The following SLC20A2 variants were observed in gnomAD, a reference collection of about 807,000 sequenced individuals.
The protein encoded by SLC20A2 is solute carrier family 20 member 2.
SLC20A2 carries 30 observed loss-of-function variants against 61.0 expected under a neutral mutation model. The ratio of observed to expected loss-of-function variants is 0.49; its 90% CI spans 0.37 to 0.67. The LOEUF (loss-of-function observed/expected upper bound fraction) is 0.67. Among genes scored for constraint, SLC20A2 ranks in the 30% least tolerant of loss-of-function variants. SLC20A2 has a pLI of 0.00. For synonymous variants in SLC20A2, 351 were observed against 353.3 expected, an observed-to-expected ratio of 0.99 and a Z score of 0.07; for missense variants, 626 against 866.4, an observed-to-expected ratio of 0.72 and a Z score of 3.48.
intron 1 of SLC20A2, among the ~76,000 whole-genome samples, chr8:42,511,660 A>G (rs116430625): frequency 0.011 from 1,652 of 151,984 alleles, 22 homozygotes; most frequent in African/African-American, 0.037. Context: ...TGTTAGGGTA[A>G]GCAGTTCAAA....
At chr8:42,508,181 A>G (rs1810825966) in intron 1 of SLC20A2, among the ~76,000 whole-genome samples, 1 of 150,694 alleles carries the variant, frequency 6.6e-6, no homozygotes, top group East Asian at 2.0e-4. Context: ...GAAAGAAAGA[A>G]AGGCATCTTC....
chr8:42,513,949 T>A (rs769011271), intron 1 of SLC20A2, among the ~76,000 whole-genome samples: 1 of 152,122 alleles, frequency 6.6e-6, no homozygotes, highest in Non-Finnish European at 1.5e-5. Flanking sequence ...AGCAGAAGTA[T>A]GTGTTCTGAA....
chr8:42,435,642 G>A (rs1804192560), intron 8 of SLC20A2, among the ~76,000 whole-genome samples: 2 of 151,888 alleles, frequency 1.3e-5, no homozygotes, highest in South Asian at 4.2e-4. Context: ...GGTGGGGTGG[G>A]TGGGGTCAAG....
At chr8:42,428,035 G>A (rs934712478) in intron 10 of SLC20A2, among the ~76,000 whole-genome samples, 1 of 152,170 alleles carries the variant, frequency 6.6e-6, no homozygotes, top group Non-Finnish European at 1.5e-5. Flanking sequence ...TGCAGATACT[G>A]GGCAGAGTTG....
At chr8:42,526,599 G>C (rs958899696) in intron 1 of SLC20A2, among the ~76,000 whole-genome samples, 1 of 151,754 alleles carries the variant, frequency 6.6e-6, no homozygotes, top group African/African-American at 2.4e-5. Context: ...CGTGAACCCA[G>C]GAGGCAGAGG....
chr8:42,439,979 G>A (rs981420818), intron 6 of SLC20A2, among the ~76,000 whole-genome samples: 1 of 150,920 alleles, frequency 6.6e-6, no homozygotes, highest in African/African-American at 2.5e-5. Context: ...CAACTACTTG[G>A]GAGGCTGAGG....
chr8:42,518,488 T>C (rs1440314088), intron 1 of SLC20A2, among the ~76,000 whole-genome samples: 2 of 152,172 alleles, frequency 1.3e-5, no homozygotes, highest in Non-Finnish European at 2.9e-5. Flanking sequence ...TTTGAGCCTA[T>C]TTAAAAAACA....
chr8:42,458,946 C>T (rs191673780), intron 5 of SLC20A2, among the ~76,000 whole-genome samples: 1 of 139,666 alleles, frequency 7.2e-6, no homozygotes, highest in Non-Finnish European at 1.5e-5. Flanking sequence ...TTTAACCCCC[C>T]CCCCCACAAA....
At chr8:42,477,967 C>A (rs373284336) in intron 1 of SLC20A2, among the ~76,000 whole-genome samples, 3 of 151,718 alleles carry the variant, frequency 2.0e-5, no homozygotes, top group African/African-American at 7.3e-5. Flanking sequence ...CTCACTGCAA[C>A]CTCCGCCTCC....
At position 42,472,309 on chromosome 8, in the gene SLC20A2, C is replaced by T. The variant is rs1554561099; in HGVS notation, c.82G>A (p.Asp28Asn). Reference sequence around the variant, plus strand: ...GCTGTACCAAAGGAGTTGGCAACATCGTTTGCACCAACAGAAAAGGCCAAG... The same window carrying T: ...GCTGTACCAAAGGAGTTGGCAACATTGTTTGCACCAACAGAAAAGGCCAAG... ...FILAFSVGAN[D>N]VANSFGTAVG... Residue 28 changes from aspartate to asparagine, a missense_variant, in exon 2 of 11, where the codon GAT (aspartate) becomes AAT (asparagine). Asp to Asn is a conservative substitution (Grantham distance 23). This residue lies in a region of SLC20A2 where 127 missense variants were observed against 215.4 expected (regional missense o/e 0.59). Coordinates refer to ENST00000520262, the MANE Select transcript of SLC20A2 (RefSeq NM_001257180.2). This position sits in a 1 kb window ranked among gnomAD's most constrained non-coding sequence, Gnocchi z 4.1. 1 of 1,614,144 alleles carries T rather than the reference C, an allele frequency of 6.2e-7. No homozygotes were observed. The highest frequency in any genetic ancestry group is 2.2e-5 in the East Asian group (1 of 44,886).
intron 5 of SLC20A2, among the ~76,000 whole-genome samples, chr8:42,454,167 C>G (rs1274171416): frequency 6.6e-6 from 1 of 152,132 alleles, no homozygotes; most frequent in Non-Finnish European, 1.5e-5. Context: ...CCACGCTGGG[C>G]AAATTTTTTT....
intron 1 of SLC20A2, among the ~76,000 whole-genome samples, chr8:42,512,520 T>G (rs1811090166): frequency 6.6e-6 from 1 of 152,016 alleles, no homozygotes. Context: ...CCAGCTAATA[T>G]TTGTATTTTT....
chr8:42,445,144 T>G (rs1489657078), intron 5 of SLC20A2, among the ~76,000 whole-genome samples: 2 of 151,426 alleles, frequency 1.3e-5, no homozygotes, highest in Non-Finnish European at 2.9e-5. Flanking sequence ...ATTCAAAAAT[T>G]AGCTGGGCGT....
chr8:42,523,065 G>A (rs909819341), intron 1 of SLC20A2, among the ~76,000 whole-genome samples: 2 of 152,116 alleles, frequency 1.3e-5, no homozygotes, highest in African/African-American at 4.8e-5. Context: ...AGGTGTGGTG[G>A]CTCATGCCTG....
chr8:42,523,769 C>T (rs1000084926), intron 1 of SLC20A2, among the ~76,000 whole-genome samples: 40 of 152,244 alleles, frequency 2.6e-4, no homozygotes, highest in Admixed American at 2.0e-3. Flanking sequence ...GGAAATTACA[C>T]GTAAGAATGT....
At chr8:42,440,081 T>A (rs1422000028) in intron 6 of SLC20A2, among the ~76,000 whole-genome samples, 4 of 148,104 alleles carry the variant, frequency 2.7e-5, no homozygotes, top group African/African-American at 1.0e-4. Context: ...TGAGACTCTG[T>A]CTCAAAAAAA....
chr8:42,436,331 C>T (rs148086472), intron 8 of SLC20A2, among the ~76,000 whole-genome samples: 64 of 152,262 alleles, frequency 4.2e-4, no homozygotes, highest in Non-Finnish European at 8.1e-4. Flanking sequence ...ATAGCAGCAT[C>T]GCGCCCTGGC....
At chr8:42,507,013 C>CCA (rs1012010836) in intron 1 of SLC20A2, among the ~76,000 whole-genome samples, 1 of 152,200 alleles carries the variant, frequency 6.6e-6, no homozygotes, top group Non-Finnish European at 1.5e-5. Flanking sequence ...TGAGTCCCTG[C>CCA]CACTGGTCAG....
chr8:42,437,653 T>C lies in SLC20A2; in HGVS notation c.935-76A>G. 7.8e-7 allele frequency: 1 copy of C among 1,276,488 alleles called. No individual in the cohort carries two copies. Among genetic ancestry groups the C allele is most frequent in the African/African-American group, 1.5e-5 (1 of 66,500 alleles). 79.1% of individuals were successfully genotyped at this position (1,276,488 alleles called of 1,614,324 possible). On this transcript the variant is annotated intron_variant, in intron 7 of 10. Transcript: ENST00000520262. This position sits in a 1 kb window ranked among gnomAD's most constrained non-coding sequence, Gnocchi z 6.4. ...TTTTCTTTTTGAGACGGAGCCTTGC[T>C]CTGTCCTCAGGGTGGAGTACAATGG...
Sources: gnomAD v4.1 joint callset for allele counts (sites outside exome capture counted in the v4.1 genomes callset) on GRCh38, gnomAD v4.1.1 for gene constraint, gnomAD v4.1.1 regional missense constraint, Gnocchi (gnomAD v3.1) non-coding constraint, MANE v1.5 for transcripts, NCBI Gene and HGNC (gene_info 2026-07-23, HGNC 2026-07-21) for gene names.